The following PPFIA2 variants were observed in gnomAD, a reference collection of about 807,000 sequenced individuals.
PPFIA2 encodes PPFI scaffold protein A2, also known as liprin-alpha-2.
Under a neutral mutation model 175.5 loss-of-function variants are expected in PPFIA2, and 46 were observed. That is an observed-to-expected ratio of 0.26 (90% confidence interval 0.21 to 0.34). PPFIA2 has a LOEUF of 0.34. Among genes scored for constraint, PPFIA2 ranks in the 10% least tolerant of loss-of-function variants. PPFIA2 has a pLI of 1.00. For missense variants in PPFIA2, 1,179 were observed against 1,506.1 expected, an observed-to-expected ratio of 0.78 and a Z score of 3.60; for synonymous variants, 568 against 511.4, an observed-to-expected ratio of 1.11 and a Z score of -1.49.
chr12:81,281,547 T>A (rs1593756264), intron 26 of PPFIA2, 97 bp from the exon 27 acceptor site: 2 of 812,156 alleles, frequency 2.5e-6, no homozygotes. Flanking sequence ...TTAATTACTA[T>A]GATATGTGGA....
At chr12:81,615,774 A>T (rs1376624051) in intron 4 of PPFIA2, among the ~76,000 whole-genome samples, 1 of 152,122 alleles carries the variant, frequency 6.6e-6, no homozygotes, top group Non-Finnish European at 1.5e-5. Flanking sequence ...TTTTTAGCAC[A>T]TTGTTTCAAA....
intron 5 of PPFIA2, among the ~76,000 whole-genome samples, chr12:81,448,063 A>G (rs1356295550): frequency 6.6e-6 from 1 of 152,128 alleles, no homozygotes; most frequent in Non-Finnish European, 1.5e-5. Context: ...CAATAAACAT[A>G]TCAGCATCCA....
chr12:81,529,227 A>G lies in PPFIA2; in HGVS notation c.304-71361T>C, dbSNP rs540466147. ...TTAAACAAAGAAAATACTACAAAAT[A>G]TGTACTTTTCTGTGTTACATAAAGA... On this transcript the variant is annotated intron_variant, in intron 4 of 32. Transcript: ENST00000549396. Among the ~76,000 whole-genome samples, 126 of 152,108 alleles carry G rather than the reference A, an allele frequency of 8.3e-4. 1 individual carries two copies. Among genetic ancestry groups the G allele is most frequent in the Middle Eastern group, 3.4e-3 (1 of 294 alleles).
intron 4 of PPFIA2, among the ~76,000 whole-genome samples, chr12:81,523,596 T>C (rs1207891464): frequency 3.3e-5 from 5 of 152,186 alleles, no homozygotes; most frequent in African/African-American, 9.7e-5. Context: ...TATTATTTCA[T>C]TAAATAATAG....
chr12:81,758,854 C>T (rs187337749), intron 1 of PPFIA2, among the ~76,000 whole-genome samples: 69 of 152,230 alleles, frequency 4.5e-4, no homozygotes, highest in African/African-American at 1.6e-3. Flanking sequence ...CACGCGGCGC[C>T]GCTCCCCCTC....
chr12:81,527,509 C>T (rs920157575), intron 4 of PPFIA2, among the ~76,000 whole-genome samples: 1 of 152,126 alleles, frequency 6.6e-6, no homozygotes, highest in Non-Finnish European at 1.5e-5. Flanking sequence ...CCTCCCCCTA[C>T]TCAAATATAT....
At chr12:81,294,812 G>A in intron 24 of PPFIA2, 23 bp downstream of exon 24, 1 of 1,606,872 alleles carries the variant, frequency 6.2e-7, no homozygotes. Flanking sequence ...ACTGAGGAAG[G>A]GGAGGAGCAG....
chr12:81,592,572 C>G (rs1228482097), intron 4 of PPFIA2, among the ~76,000 whole-genome samples: 2 of 152,070 alleles, frequency 1.3e-5, no homozygotes, highest in Non-Finnish European at 2.9e-5. Flanking sequence ...GTGAATGAGT[C>G]TCATGAGATC....
intron 4 of PPFIA2, among the ~76,000 whole-genome samples, chr12:81,549,725 A>G (rs1240475742): frequency 6.6e-6 from 1 of 151,990 alleles, no homozygotes; most frequent in Non-Finnish European, 1.5e-5. Context: ...TGCATAAACA[A>G]TAGCAATCAG....
intron 4 of PPFIA2, among the ~76,000 whole-genome samples, chr12:81,542,396 C>T (rs975490748): frequency 5.3e-5 from 8 of 152,104 alleles, no homozygotes; most frequent in Non-Finnish European, 1.2e-4. Flanking sequence ...AAATTTATAT[C>T]GTTTTAAGCC....
rs1052687379 is a variant in PPFIA2 at position 81,707,705 on chromosome 12, A to C, written c.250-30861T>G. Reference sequence around the variant, plus strand: ...CCAAAGGACTATAAATCATGCTGCTATAAAGACACATGCACACGTATGTTT... The same window carrying C: ...CCAAAGGACTATAAATCATGCTGCTCTAAAGACACATGCACACGTATGTTT... On this transcript the variant is annotated intron_variant, in intron 3 of 32. Transcript: ENST00000549396. Among the ~76,000 whole-genome samples, 1,094 of 151,280 alleles carry C rather than the reference A, an allele frequency of 7.2e-3. 18 individuals carry two copies. Among genetic ancestry groups the C allele is most frequent in the African/African-American group, 0.025 (1,038 of 41,350 alleles).
In PPFIA2 at chr12:81,585,637, C is replaced by T. The variant is rs953375080; in HGVS notation, c.303+91154G>A. Among the ~76,000 whole-genome samples the T allele has an allele frequency of 2.0e-5, 3 of 151,924 alleles. No homozygotes were observed. The South Asian group carries it at 6.2e-4, about 32-fold the overall frequency. On this transcript the variant is annotated intron_variant, in intron 4 of 32. Transcript: ENST00000549396. ...TGTCTTACAAGAAGGTCTTCAGGAA[C>T]AATAACACCCACAGAGCTGTCACCA...
chr12:81,295,232 G>C (rs2046171780), intron 23 of PPFIA2, among the ~76,000 whole-genome samples, 197 bp from the exon 24 acceptor site: 1 of 152,132 alleles, frequency 6.6e-6, no homozygotes, highest in African/African-American at 2.4e-5. Context: ...GGGAGGCAGG[G>C]ATAGAAACAA....
chr12:81,264,071 G>A (rs2036482147), intron 30 of PPFIA2, among the ~76,000 whole-genome samples: 1 of 152,064 alleles, frequency 6.6e-6, no homozygotes, highest in African/African-American at 2.4e-5. Flanking sequence ...TTAATAATGT[G>A]TATTTTAATA....
Position 81,307,477 on chromosome 12 carries a change from T to G in PPFIA2, c.2643-8095A>C, listed in dbSNP as rs192022718. Among the ~76,000 whole-genome samples, 7 of 152,214 alleles carry G rather than the reference T, an allele frequency of 4.6e-5. No homozygotes were observed. The South Asian group carries it at 6.2e-4, about 14-fold the overall frequency. On this transcript the variant is annotated intron_variant, in intron 22 of 32. Transcript: ENST00000549396. ...CTGTTCATTGCATCTCAAAAAGAAA[T>G]AAGAATTCTGCATCACAGTTACCCA...
chr12:81,369,018 A>T, intron 12 of PPFIA2, 93 bp downstream of exon 12: 1 of 1,283,556 alleles, frequency 7.8e-7, no homozygotes. Context: ...AGTTTTAAAT[A>T]TAACCCATAC....
intron 4 of PPFIA2, among the ~76,000 whole-genome samples, chr12:81,502,379 G>C (rs1310420648): frequency 2.6e-5 from 4 of 152,102 alleles, no homozygotes; most frequent in African/African-American, 4.8e-5. Flanking sequence ...TTCAGTTCTG[G>C]CTGCATGTTT....
chr12:81,631,833 T>G (rs1257892106), intron 4 of PPFIA2, among the ~76,000 whole-genome samples: 1 of 152,208 alleles, frequency 6.6e-6, no homozygotes, highest in Non-Finnish European at 1.5e-5. Context: ...CATCATATTT[T>G]CCTCATGGGT....
chr12:81,334,800 G>A (rs1168420358), intron 21 of PPFIA2, among the ~76,000 whole-genome samples: 3 of 152,064 alleles, frequency 2.0e-5, no homozygotes, highest in African/African-American at 4.8e-5. Flanking sequence ...TTTACATGTC[G>A]ATGCCACTTG....
Sources: gnomAD v4.1 joint callset for allele counts (sites outside exome capture counted in the v4.1 genomes callset) on GRCh38, gnomAD v4.1.1 for gene constraint, MANE v1.5 for transcripts, NCBI Gene and HGNC (gene_info 2026-07-23, HGNC 2026-07-21) for gene names.